CDH4: variants seen among roughly 807,000 people sequenced by gnomAD.
CDH4 encodes cadherin 4, also known as cadherin-4.
Under a neutral mutation model 86.0 loss-of-function variants are expected in CDH4, and 33 were observed. The ratio of observed to expected loss-of-function variants is 0.38; its 90% confidence interval spans 0.29 to 0.51. The LOEUF is 0.51. Ranked by LOEUF, CDH4 falls within the 20% of genes least tolerant of loss-of-function variation. The pLI, the probability that CDH4 is intolerant of heterozygous loss-of-function variation, is 0.86. For synonymous variants in CDH4, 555 were observed against 549.4 expected (o/e 1.01, Z -0.14); for missense variants, 1,114 against 1,307.4 (o/e 0.85, Z 2.28).
At chr20:61,828,836 T>C (rs1981449214) in intron 4 of CDH4, among the ~76,000 whole-genome samples, 3 of 152,258 alleles carry the variant, frequency 2.0e-5, no homozygotes, top group African/African-American at 4.8e-5. Context: ...CTAACCTTTT[T>C]GGCACCAGAG....
chr20:61,877,132 A>G (rs1324464836), intron 7 of CDH4, among the ~76,000 whole-genome samples: 1 of 152,134 alleles, frequency 6.6e-6, no homozygotes, highest in Non-Finnish European at 1.5e-5. Flanking sequence ...AAGGCCCGTG[A>G]TAGGGACAGT....
chr20:61,565,062 T>TTGGTGGTGG (rs140113205), intron 2 of CDH4, among the ~76,000 whole-genome samples: 1,454 of 101,162 alleles, frequency 0.014, 59 homozygotes, highest in African/African-American at 0.034. Flanking sequence ...GGTGGTGCTC[T>TTGGTGGTGG]TGGTGGTGGT....
rs546728409 is a variant in CDH4, at chr20:61,811,854, T to A, written c.577-32814T>A. ...GCCCGGTTAATTTTTGTATTTTTAG[T>A]AGAGATGGGGTTTCACCATGTTGGC... On this transcript the variant is annotated intron_variant, in intron 4 of 15. Coordinates refer to ENST00000614565, the MANE Select transcript of CDH4 (RefSeq NM_001794.5). The surrounding 1 kb of genome is among the most constrained non-coding windows in gnomAD (Gnocchi z 4.4). Among the ~76,000 whole-genome samples the A allele has an allele frequency of 1.3e-5, 2 of 152,178 alleles. No individual in the cohort carries two copies. Among genetic ancestry groups the A allele is most frequent in the South Asian group, 4.2e-4 (2 of 4,818 alleles).
intron 4 of CDH4, among the ~76,000 whole-genome samples, chr20:61,809,471 A>G (rs1980316078): frequency 6.6e-6 from 1 of 152,244 alleles, no homozygotes; most frequent in African/African-American, 2.4e-5. Context: ...AACAAGTGAC[A>G]TCTCATTAAA....
At chr20:61,889,293 CATGGATGGATGGATGG>C (rs59254816) in intron 7 of CDH4, among the ~76,000 whole-genome samples, 16 of 141,846 alleles carry the variant, frequency 1.1e-4, no homozygotes, top group South Asian at 7.2e-4. Context: ...CTCTTTAAAG[CATGGATGGATGGATGG>C]ATGGATGGAT....
intron 2 of CDH4, among the ~76,000 whole-genome samples, chr20:61,576,222 G>A (rs2086381519): frequency 6.6e-6 from 1 of 152,174 alleles, no homozygotes; most frequent in South Asian, 2.1e-4. Flanking sequence ...ACATAAAACA[G>A]TTCTTCCTGC....
intron 9 of CDH4, among the ~76,000 whole-genome samples, chr20:61,911,892 A>G (rs2054855095): frequency 6.6e-6 from 1 of 152,256 alleles, no homozygotes; most frequent in South Asian, 2.1e-4. Flanking sequence ...TTCCTTCAGC[A>G]GCCCGGAGCA....
chr20:61,365,173 A>G (rs1032617062), intron 2 of CDH4, among the ~76,000 whole-genome samples: 3 of 152,310 alleles, frequency 2.0e-5, no homozygotes, highest in South Asian at 2.1e-4. Flanking sequence ...CAAGAGTCCA[A>G]GGTAGGTCAT....
At chr20:61,832,517 G>A (rs1275540442) in intron 4 of CDH4, among the ~76,000 whole-genome samples, 1 of 152,092 alleles carries the variant, frequency 6.6e-6, no homozygotes, top group African/African-American at 2.4e-5. Flanking sequence ...AGTTCCACAG[G>A]GCTTGGGAAG....
chr20:61,662,062 G>A (rs1000645931), intron 2 of CDH4, among the ~76,000 whole-genome samples: 2 of 152,152 alleles, frequency 1.3e-5, no homozygotes, highest in African/African-American at 4.8e-5. Context: ...GCCTTCCCAA[G>A]CTGGGTTTCT....
At chr20:61,696,465 G>A (rs985793596) in intron 2 of CDH4, among the ~76,000 whole-genome samples, 42 of 152,220 alleles carry the variant, frequency 2.8e-4, no homozygotes, top group African/African-American at 9.2e-4. Flanking sequence ...CTGGCTGAGC[G>A]CCAGCTGTGT....
At chr20:61,475,299 GCCC>G (rs1472936008) in intron 2 of CDH4, among the ~76,000 whole-genome samples, 2 of 151,334 alleles carry the variant, frequency 1.3e-5, no homozygotes, top group African/African-American at 4.9e-5. Context: ...ACCAACCCCA[GCCC>G]CCTCCAACTT....
intron 3 of CDH4, among the ~76,000 whole-genome samples, chr20:61,764,977 T>C (rs2088681835): frequency 6.6e-6 from 1 of 152,178 alleles, no homozygotes; most frequent in Admixed American, 6.5e-5. Context: ...TGATTAGGGC[T>C]TAATGGGGAG....
At chr20:61,756,918 A>C (rs2088571829) in intron 3 of CDH4, among the ~76,000 whole-genome samples, 1 of 152,184 alleles carries the variant, frequency 6.6e-6, no homozygotes, top group Non-Finnish European at 1.5e-5. Context: ...TTTGAAGCTC[A>C]CATCTCCAGA....
chr20:61,447,717 A>G lies in CDH4; in HGVS notation c.169+192780A>G, dbSNP rs76120526. On this transcript the variant is annotated intron_variant, in intron 2 of 15. Transcript: ENST00000614565. Reference sequence around the variant, plus strand: ...GAGGAGAAGAGGTAGGAGCAAGAGTAGAAAAGGAAAAATAAGACTTGGATG... The same window carrying G: ...GAGGAGAAGAGGTAGGAGCAAGAGTGGAAAAGGAAAAATAAGACTTGGATG... Among the ~76,000 whole-genome samples, 45 of 151,402 alleles carry G rather than the reference A, an allele frequency of 3.0e-4. No homozygotes were observed. The East Asian group carries it at 8.4e-3, about 28-fold the overall frequency.
At chr20:61,425,651 G>T (rs1460160110) in intron 2 of CDH4, among the ~76,000 whole-genome samples, 1 of 152,276 alleles carries the variant, frequency 6.6e-6, no homozygotes, top group African/African-American at 2.4e-5. Context: ...CCGGGTGACG[G>T]CGCAGCCTGG....
chr20:61,258,829 AAGGTGCAGATAGT>A (rs1217737245), intron 2 of CDH4, among the ~76,000 whole-genome samples: 11 of 152,202 alleles, frequency 7.2e-5, no homozygotes, highest in Non-Finnish European at 1.5e-4. Flanking sequence ...AGAGCAGAAG[AAGGTGCAGATAGT>A]AGCACCATCT....
At chr20:61,321,401 T>A (rs931673837) in intron 2 of CDH4, among the ~76,000 whole-genome samples, 3 of 151,826 alleles carry the variant, frequency 2.0e-5, no homozygotes, top group Non-Finnish European at 4.4e-5. Context: ...TTGCTGGAAA[T>A]TTTTTTTTAA....
chr20:61,400,956 C>T (rs2085046260), intron 2 of CDH4, among the ~76,000 whole-genome samples: 1 of 152,240 alleles, frequency 6.6e-6, no homozygotes, highest in South Asian at 2.1e-4. Context: ...CTGCTTTCTT[C>T]AGATCTTCTT....
Sources: gnomAD v4.1 joint callset for allele counts (sites outside exome capture counted in the v4.1 genomes callset) on GRCh38, gnomAD v4.1.1 for gene constraint, Gnocchi (gnomAD v3.1) non-coding constraint, MANE v1.5 for transcripts, NCBI Gene and HGNC (gene_info 2026-07-23, HGNC 2026-07-21) for gene names.